The following ATG2B variants were observed in gnomAD, a reference collection of about 807,000 sequenced individuals.
The protein encoded by ATG2B is autophagy related 2B.
Under a neutral mutation model 241.3 loss-of-function variants are expected in ATG2B, and 121 were observed. That is an observed-to-expected ratio of 0.50 (90% CI 0.43 to 0.58). ATG2B has a LOEUF of 0.58. Among genes scored for constraint, ATG2B ranks in the 20% least tolerant of loss-of-function variants. The pLI is 0.00. For synonymous variants in ATG2B, 858 were observed against 876.6 expected, an observed-to-expected ratio of 0.98 and a Z score of 0.37; for missense variants, 2,306 against 2,491.6, an observed-to-expected ratio of 0.93 and a Z score of 1.59.
chr14:96,348,665 T>A (rs1242779113), intron 1 of ATG2B, among the ~76,000 whole-genome samples: 3 of 132,758 alleles, frequency 2.3e-5, no homozygotes, highest in South Asian at 5.0e-4. Context: ...GGGGACTCCA[T>A]CTCAAAAAAA....
intron 4 of ATG2B, among the ~76,000 whole-genome samples, chr14:96,344,315 A>G (rs927968610): frequency 8.5e-5 from 13 of 152,202 alleles, no homozygotes; most frequent in Non-Finnish European, 1.9e-4. Context: ...ATGCCTAAAT[A>G]TTGCATTGTT....
In ATG2B at chr14:96,279,327, G is replaced by A. The variant is rs1486985138; in HGVS notation, c.*6428C>T. 1 of 152,146 alleles carries A rather than the reference G, an allele frequency of 6.6e-6. No individual in the cohort carries two copies. Among genetic ancestry groups the A allele is most frequent in the Non-Finnish European group, 1.5e-5 (1 of 68,032 alleles). 9.4% of individuals were successfully genotyped at this position (152,146 alleles called of 1,614,324 possible). A position where few individuals can be genotyped will look rare whatever the true frequency, so the allele number is the denominator to read the frequency against. On this transcript the variant is annotated 3_prime_UTR_variant, in exon 42 of 42. Coordinates refer to ENST00000359933, the MANE Select transcript of ATG2B (RefSeq NM_018036.7). ...CTGTAAGTAGTAATCATGTGATCTT[G>A]GGCAAAGAATTTCCCCTCTCCGGGC...
Position 96,309,110 on chromosome 14 carries a change from T to C in ATG2B, c.4303+343A>G, listed in dbSNP as rs373750653. Among the ~76,000 whole-genome samples the C allele has an allele frequency of 3.3e-5, 5 of 152,172 alleles. No homozygotes were observed. The East Asian group carries it at 5.8e-4, about 18-fold the overall frequency. On this transcript the variant is annotated intron_variant, in intron 29 of 41. Transcript: ENST00000359933. ...CTAAAGTCTAATAAAATTATCCCAA[T>C]CCTTTCCAAACAGTAGAGGATATAC... is the stretch of plus-strand genomic sequence containing the variant.
At chr14:96,332,166 T>C in intron 10 of ATG2B, 139 bp downstream of exon 10, 1 of 640,686 alleles carries the variant, frequency 1.6e-6, no homozygotes, top group Non-Finnish European at 2.7e-6. Context: ...GTGAATTGTT[T>C]AACAATGGTT....
chr14:96,294,903 G>T, intron 36 of ATG2B, 57 bp downstream of exon 36: 2 of 1,513,232 alleles, frequency 1.3e-6, no homozygotes, highest in Admixed American at 1.7e-5. Context: ...ATACATCACA[G>T]AACAATCTTC....
chr14:96,320,401 T>C (rs1223291659), intron 18 of ATG2B, among the ~76,000 whole-genome samples: 2 of 152,078 alleles, frequency 1.3e-5, no homozygotes, highest in Non-Finnish European at 2.9e-5. Flanking sequence ...TCCTCTTACA[T>C]ATCTCTGAAA....
chr14:96,312,189 G>C, intron 25 of ATG2B, 30 bp from the exon 26 acceptor site: 1 of 1,531,854 alleles, frequency 6.5e-7, no homozygotes, highest in Non-Finnish European at 8.9e-7. Context: ...ACCAACATCT[G>C]AAAAACTAAG....
In ATG2B at chr14:96,355,332, C is replaced by T. The variant is rs377717973; in HGVS notation, c.162+7483G>A. 2.6e-5 allele frequency among the ~76,000 whole-genome samples: 4 copies of T among 152,044 alleles called. No homozygotes were observed. In the East Asian group the frequency reaches 5.8e-4, roughly 22 times the overall value. ...TTTGTATATGGTGTAAGGAAGGGGT[C>T]CAGTTTCAATTTTCTGCATAGGGCT... On this transcript the variant is annotated intron_variant, in intron 1 of 41. Transcript: ENST00000359933.
intron 15 of ATG2B, chr14:96,324,243 T>C (rs756371075): frequency 4.3e-5 from 18 of 420,638 alleles, no homozygotes; most frequent in Admixed American, 8.5e-5. Flanking sequence ...CATAATGACA[T>C]AGTAAATAGA....
rs771585706 is a variant in ATG2B, at chr14:96,329,579, G to A, written c.1786C>T (p.Arg596Ter). 1.9e-6 allele frequency: 3 copies of A among 1,609,978 alleles called. No individual in the cohort carries two copies. The highest frequency in any genetic ancestry group is 2.5e-6 in the Non-Finnish European group (3 of 1,176,698). The part of the protein sequence containing the change: ...SYEQRQRSAS[R>*]YFSTDMSIGQ... ...ATGGACATATCAGTACTAAAATATC[G>A]GGAAGCTGATCTTTGTCTTTGTTCA... The change falls in exon 12 of 42, where the codon CGA becomes TGA. Residue 596 changes from arginine to a stop codon, truncating the protein, a stop_gained. Coordinates refer to ENST00000359933, the MANE Select transcript of ATG2B (RefSeq NM_018036.7). LOFTEE classifies it high-confidence loss of function.
chr14:96,363,063 G>A lies in ATG2B; in HGVS notation c.-87C>T. 6.6e-7 allele frequency: 1 copy of A among 1,520,718 alleles called. No individual in the cohort carries two copies. 94.2% of individuals were successfully genotyped at this position (1,520,718 alleles called of 1,614,324 possible). ...AGCGACTCCGGCTCCAGGCCGCGGC[G>A]GGGCCTAAGCCTGGGGCGGCCCCTC... On this transcript the variant is annotated 5_prime_UTR_variant, in exon 1 of 42. Transcript: ENST00000359933.
rs10712581 is a variant in ATG2B at position 96,356,170 on chromosome 14, C to CAAA, written c.162+6642_162+6644dup. On this transcript the variant is annotated intron_variant, in intron 1 of 41. Transcript: ENST00000359933. ...TGGGTGACAGAGCAAGAATGCGGCT[C>CAAA]AAAAAAAAAAAAAAAAGTGCATGAG... Among the ~76,000 whole-genome samples, 8 of 130,494 alleles carry CAAA rather than the reference C, an allele frequency of 6.1e-5. No individual in the cohort carries two copies. In the East Asian group the frequency reaches 1.4e-3, roughly 23 times the overall value. The allele number at this position is 130,494 out of a possible 152,430, so 85.6% of individuals were successfully genotyped here.
At chr14:96,340,882 C>T (rs1269621559) in intron 6 of ATG2B, among the ~76,000 whole-genome samples, 1 of 145,988 alleles carries the variant, frequency 6.8e-6, no homozygotes, top group Non-Finnish European at 1.5e-5. Context: ...CTTGTCACTG[C>T]ACCCCTGCAC....
chr14:96,291,835 A>G (rs1470729459), intron 37 of ATG2B, 153 bp from the exon 38 acceptor site: 11 of 621,886 alleles, frequency 1.8e-5, no homozygotes, highest in African/African-American at 1.3e-4. Flanking sequence ...TACAATACAT[A>G]TGACCCAATT....
In ATG2B at chr14:96,347,314, C is replaced by T. The variant is rs780423769; in HGVS notation, c.190G>A (p.Asp64Asn). The T allele has an allele frequency of 4.4e-6, 7 of 1,596,072 alleles. 1 individual carries two copies. Among genetic ancestry groups the T allele is most frequent in the Admixed American group, 3.4e-5 (2 of 59,644 alleles). The stretch of plus-strand genomic sequence containing the variant: ...CCTTCAGTGACTTCTAAGGGTGCAT[C>T]TGCTGACTCCAAGATCTCATTGAGA... ...WCLNEILESA[D>N]APLEVTEGFI... Residue 64 changes from aspartate to asparagine, a missense_variant, in exon 2 of 42, where the codon GAT becomes AAT. This residue lies in a region of ATG2B where 1,927 missense variants were observed against 2,011.2 expected (regional missense o/e 0.96). Coordinates refer to ENST00000359933, the MANE Select transcript of ATG2B (RefSeq NM_018036.7).
chr14:96,320,677 T>C (rs1887436182), intron 18 of ATG2B, among the ~76,000 whole-genome samples: 1 of 152,238 alleles, frequency 6.6e-6, no homozygotes, highest in South Asian at 2.1e-4. Flanking sequence ...CTGTTCTTGA[T>C]GCCCTGATTT....
At position 96,289,767 on chromosome 14, in the gene ATG2B, A is replaced by G. The variant is rs556980719; in HGVS notation, c.5895T>C (p.Gly1965=). Residue 1965 remains glycine (G), a synonymous_variant, in exon 41 of 42, where the codon GGT becomes GGC. Transcript: ENST00000359933. This position sits in a 1 kb window ranked among gnomAD's most constrained non-coding sequence, Gnocchi z 4.3. ...TCTTCTTGGGCTCGATAGAAAGGGT[A>G]CCAGGAGACACCATATCATAAGCAG... ...AETAYDMVSP[G]TLSIEPKKTK... is the part of the protein sequence containing the mutation. 1.2e-6 allele frequency: 2 copies of G among 1,614,146 alleles called. No individual in the cohort carries two copies. The highest frequency in any genetic ancestry group is 2.2e-5 in the East Asian group (1 of 44,880).
Position 96,315,383 on chromosome 14 carries a change from C to T in ATG2B, c.3561+1G>A. On this transcript the variant is annotated splice_donor_variant, in intron 22 of 41. Coordinates refer to ENST00000359933, the MANE Select transcript of ATG2B (RefSeq NM_018036.7). LOFTEE classifies it high-confidence loss of function. Reference sequence around the variant, plus strand: ...GTGGCATAAAAGTACAAAACACAAACCTTTGTATTGGACTCTGATTTATCA... The same window carrying T: ...GTGGCATAAAAGTACAAAACACAAATCTTTGTATTGGACTCTGATTTATCA... 1 of 1,613,506 alleles carries T rather than the reference C, an allele frequency of 6.2e-7. No homozygotes were observed.
chr14:96,331,777 G>A lies in ATG2B; in HGVS notation c.1469-140C>T, dbSNP rs576612877. On this transcript the variant is annotated intron_variant, in intron 10 of 41. Transcript: ENST00000359933. ...GAATGATATTAAACAATTAATTTAAGTAAAATCAACTGCTATCTTGCTGCA... is the reference window on the plus strand; with the variant it reads ...GAATGATATTAAACAATTAATTTAAATAAAATCAACTGCTATCTTGCTGCA... 4.0e-5 allele frequency: 29 copies of A among 723,410 alleles called. No individual in the cohort carries two copies. In the South Asian group the frequency reaches 7.1e-4, roughly 18 times the overall value. 44.8% of individuals were successfully genotyped at this position (723,410 alleles called of 1,614,324 possible). A position where few individuals can be genotyped will look rare whatever the true frequency, so the allele number is the denominator to read the frequency against.
Sources: allele counts gnomAD v4.1 joint callset (sites outside exome capture counted in the v4.1 genomes callset), GRCh38; gene constraint gnomAD v4.1.1; regional missense constraint gnomAD v4.1.1; non-coding constraint Gnocchi (gnomAD v3.1); transcripts MANE v1.5; gene names NCBI Gene and HGNC (gene_info 2026-07-23, HGNC 2026-07-21).